Variants in COLEC12 observed in about 807,000 individuals in gnomAD.
COLEC12 encodes collectin-12.
A neutral mutation model predicts 71.1 loss-of-function variants in COLEC12; 33 were observed. That is an observed-to-expected ratio of 0.46 (90% CI 0.35 to 0.62). The LOEUF is 0.62. Ranked by LOEUF, COLEC12 falls within the 20% of genes least tolerant of loss-of-function variation. The pLI is 0.00. For missense variants in COLEC12, 765 were observed against 916.1 expected, an observed-to-expected ratio of 0.84 and a Z score of 2.13; for synonymous variants, 350 against 353.0, an observed-to-expected ratio of 0.99 and a Z score of 0.10.
chr18:329,951 C>T (rs887681624), intron 8 of COLEC12, among the ~76,000 whole-genome samples: 52 of 152,070 alleles, frequency 3.4e-4, no homozygotes, highest in African/African-American at 1.2e-3. Context: ...GTGATGTGCA[C>T]CTGTGATTCC....
chr18:467,086 A>C (rs1917102752), intron 2 of COLEC12, among the ~76,000 whole-genome samples: 1 of 151,828 alleles, frequency 6.6e-6, no homozygotes, highest in Non-Finnish European at 1.5e-5. Flanking sequence ...AAAATAAAAA[A>C]CTCTAATACA....
At chr18:425,704 T>G (rs115068955) in intron 2 of COLEC12, among the ~76,000 whole-genome samples, 2,527 of 152,286 alleles carry the variant, frequency 0.017, 30 homozygotes, top group Non-Finnish European at 0.02. Flanking sequence ...CATGAGGGCA[T>G]GTGGGTGAGT....
chr18:474,633 G>A (rs372481459), intron 2 of COLEC12, among the ~76,000 whole-genome samples: 2 of 152,140 alleles, frequency 1.3e-5, no homozygotes, highest in South Asian at 2.1e-4. Context: ...TCCCTTTCTC[G>A]GCGTTTAGGA....
chr18:330,033 G>A (rs1469465584), intron 8 of COLEC12, among the ~76,000 whole-genome samples: 5 of 152,290 alleles, frequency 3.3e-5, no homozygotes, highest in East Asian at 1.9e-4. Flanking sequence ...AGCCATGATC[G>A]TGCCACTGCC....
intron 2 of COLEC12, among the ~76,000 whole-genome samples, chr18:384,195 A>G (rs1464552184): frequency 6.6e-6 from 1 of 152,076 alleles, no homozygotes; most frequent in Non-Finnish European, 1.5e-5. Context: ...ACCACATTCC[A>G]GGTCTGTTAT....
intron 2 of COLEC12, among the ~76,000 whole-genome samples, chr18:373,440 T>C (rs1032314357): frequency 6.6e-5 from 10 of 152,186 alleles, no homozygotes; most frequent in Non-Finnish European, 1.5e-5. Flanking sequence ...GGACCAGAAC[T>C]ATTTCCTTAG....
At chr18:490,645 A>T (rs967957959) in intron 1 of COLEC12, among the ~76,000 whole-genome samples, 3 of 152,238 alleles carry the variant, frequency 2.0e-5, no homozygotes, top group African/African-American at 7.2e-5. Context: ...CAAAAATAAA[A>T]GCATTCAGGT....
At chr18:372,707 A>C (rs1915027359) in intron 2 of COLEC12, among the ~76,000 whole-genome samples, 1 of 152,136 alleles carries the variant, frequency 6.6e-6, no homozygotes, top group African/African-American at 2.4e-5. Context: ...ATGAGCCACC[A>C]TGCCCGCCCA....
rs866959895 is a variant in COLEC12, at chr18:481,569, T to C, written c.8-812A>G. 1.1e-4 allele frequency among the ~76,000 whole-genome samples: 17 copies of C among 152,244 alleles called. 1 individual carries two copies. Among genetic ancestry groups the C allele is most frequent in the Middle Eastern group, 6.8e-3 (2 of 292 alleles). ...AAAATACAAAATTAGCCAGATGTGG[T>C]GGCACGTGCCTGTAATCCCAGCTAC... On this transcript the variant is annotated intron_variant, in intron 1 of 9. Coordinates refer to ENST00000400256, the MANE Select transcript of COLEC12 (RefSeq NM_130386.3).
At chr18:389,444 A>G (rs1462502459) in intron 2 of COLEC12, among the ~76,000 whole-genome samples, 3 of 151,750 alleles carry the variant, frequency 2.0e-5, no homozygotes, top group Non-Finnish European at 4.4e-5. Flanking sequence ...ATGCTCGGCT[A>G]ATTTTTTGTA....
chr18:428,586 T>G (rs1303455064), intron 2 of COLEC12, among the ~76,000 whole-genome samples: 1 of 152,200 alleles, frequency 6.6e-6, no homozygotes. Context: ...TATGTTTAGG[T>G]ACAGGTCTTT....
intron 2 of COLEC12, among the ~76,000 whole-genome samples, chr18:457,570 C>A (rs1239660448): frequency 6.6e-6 from 1 of 152,190 alleles, no homozygotes; most frequent in Non-Finnish European, 1.5e-5. Context: ...GAGGACACAA[C>A]TGTTAAAATC....
At chr18:321,549 AG>A in intron 9 of COLEC12, 112 bp downstream of exon 9, 1 of 1,117,502 alleles carries the variant, frequency 8.9e-7, no homozygotes, top group African/African-American at 1.5e-5. Context: ...TGGCATAACC[AG>A]GGCTGAAACC....
chr18:363,507 C>T (rs1389534244), intron 2 of COLEC12, among the ~76,000 whole-genome samples: 5 of 152,152 alleles, frequency 3.3e-5, no homozygotes, highest in African/African-American at 9.7e-5. Flanking sequence ...ATCTGAGATT[C>T]GCAGTGAACT....
At chr18:329,360 A>T (rs2143423612) in intron 8 of COLEC12, among the ~76,000 whole-genome samples, 1 of 152,104 alleles carries the variant, frequency 6.6e-6, no homozygotes, top group East Asian at 1.9e-4. Context: ...GGAGAAGATG[A>T]TTTTTTGTTT....
Position 347,062 on chromosome 18 carries a change from A to G in COLEC12, c.560T>C (p.Val187Ala). 1 of 1,614,188 alleles carries G rather than the reference A, an allele frequency of 6.2e-7. No individual in the cohort carries two copies. Among genetic ancestry groups the G allele is most frequent in the Non-Finnish European group, 8.5e-7 (1 of 1,180,036 alleles). ...TTGGTTCTGCAGATTGCCCTGGAGC[A>G]CGCTGGTATCTTGCTGCAGATTCGT... ...YVTNLQQDTSVLQGNLQNQMY... is the reference protein window; with the variant it reads ...YVTNLQQDTSALQGNLQNQMY... The change falls in exon 5 of 10, where the codon GTG (valine) becomes GCG (alanine). Residue 187 changes from valine to alanine, a missense_variant. Val to Ala is a moderately conservative substitution (Grantham distance 64, BLOSUM62 0). Transcript: ENST00000400256.
intron 5 of COLEC12, among the ~76,000 whole-genome samples, chr18:343,507 C>T (rs1367898742): frequency 6.6e-6 from 1 of 152,070 alleles, no homozygotes; most frequent in Non-Finnish European, 1.5e-5. Flanking sequence ...TCCCTGCTCT[C>T]TATTCTCCTC....
chr18:390,936 C>T (rs1915450465), intron 2 of COLEC12, among the ~76,000 whole-genome samples: 1 of 152,174 alleles, frequency 6.6e-6, no homozygotes, highest in African/African-American at 2.4e-5. Flanking sequence ...ACATCGTTCC[C>T]ATAGCAGCAA....
At chr18:337,268 T>A (rs1914140410) in intron 5 of COLEC12, among the ~76,000 whole-genome samples, 2 of 152,152 alleles carry the variant, frequency 1.3e-5, no homozygotes, top group African/African-American at 4.8e-5. Context: ...AGTTCCTTTA[T>A]CCCTCCTGCT....
Sources: allele counts gnomAD v4.1 joint callset (sites outside exome capture counted in the v4.1 genomes callset), GRCh38; gene constraint gnomAD v4.1.1; transcripts MANE v1.5; gene names NCBI Gene and HGNC (gene_info 2026-07-23, HGNC 2026-07-21).